Variants in CDH6 observed in about 807,000 individuals in gnomAD.
The protein encoded by CDH6 is cadherin 6, also known as cadherin-6.
In CDH6, 31 loss-of-function variants were observed where a neutral mutation model predicts 78.0. The observed-to-expected ratio is 0.40, with a 90% CI of 0.30 to 0.54. CDH6 has a LOEUF of 0.54. Among genes scored for constraint, CDH6 ranks in the 20% least tolerant of loss-of-function variants. The probability of loss-of-function intolerance (pLI) is 0.56; values close to 1 mark genes in which losing one functional copy is unlikely to be tolerated. For synonymous variants in CDH6, 376 were observed against 368.8 expected, an observed-to-expected ratio of 1.02 and a Z score of -0.23; for missense variants, 724 against 975.9, an observed-to-expected ratio of 0.74 and a Z score of 3.44.
intron 1 of CDH6, among the ~76,000 whole-genome samples, chr5:31,207,950 G>A (rs1740581733): frequency 6.6e-6 from 1 of 152,174 alleles, no homozygotes; most frequent in South Asian, 2.1e-4. Flanking sequence ...GGGCTACAAA[G>A]TCCAGTGGGG....
At chr5:31,256,990 G>T (rs1579856913) in intron 1 of CDH6, among the ~76,000 whole-genome samples, 1 of 152,144 alleles carries the variant, frequency 6.6e-6, no homozygotes, top group East Asian at 1.9e-4. Flanking sequence ...CCACTATCAC[G>T]ACTTTCGACA....
intron 4 of CDH6, among the ~76,000 whole-genome samples, chr5:31,297,920 G>A (rs1737656962): frequency 6.6e-6 from 1 of 152,206 alleles, no homozygotes; most frequent in South Asian, 2.1e-4. Flanking sequence ...ATGTTGAGAT[G>A]TAGTCTGTAG....
chr5:31,328,291 C>G lies in CDH6; in HGVS notation c.*4983C>G, dbSNP rs557333641. 1.0e-5 allele frequency: 2 copies of G among 196,578 alleles called. No homozygotes were observed. The highest frequency in any genetic ancestry group is 1.6e-4 in the East Asian group (2 of 12,644). The allele number at this position is 196,578 out of a possible 1,614,324, so 12.2% of individuals were successfully genotyped here. A position where few individuals can be genotyped will look rare whatever the true frequency, so the allele number is the denominator to read the frequency against. ...CCAGCCTTGTGGAAAAAGCATTCCA[C>G]GCTAATGAGATCTTGGTCTTTCTTG... On this transcript the variant is annotated 3_prime_UTR_variant, in exon 12 of 12. Transcript: ENST00000265071.
At chr5:31,199,530 GTA>G (rs573641782) in intron 1 of CDH6, among the ~76,000 whole-genome samples, 33 of 133,360 alleles carry the variant, frequency 2.5e-4, no homozygotes, top group Non-Finnish European at 3.9e-4. Context: ...ACACATATGT[GTA>G]TATATATGTA....
rs35161585 is a variant in CDH6, at chr5:31,326,709, T to G, written c.*3401T>G. 6.7e-6 allele frequency: 1 copy of G among 149,578 alleles called. No homozygotes were observed. 9.3% of individuals were successfully genotyped at this position (149,578 alleles called of 1,614,324 possible). A position where few individuals can be genotyped will look rare whatever the true frequency, so the allele number is the denominator to read the frequency against. ...TTTTTTTTTTTTTTTTTTTTTTTTTTGAGACAGAATCTCGCTCTGTCGCCC... is the reference window on the plus strand; with the variant it reads ...TTTTTTTTTTTTTTTTTTTTTTTTTGGAGACAGAATCTCGCTCTGTCGCCC... On this transcript the variant is annotated 3_prime_UTR_variant, in exon 12 of 12. Transcript: ENST00000265071.
chr5:31,255,052 G>A (rs781580857), intron 1 of CDH6, among the ~76,000 whole-genome samples: 2 of 152,088 alleles, frequency 1.3e-5, no homozygotes, highest in African/African-American at 2.4e-5. Flanking sequence ...TAATTAAAGG[G>A]CCACATTACC....
chr5:31,266,695 C>T (rs1317482740), intron 1 of CDH6, among the ~76,000 whole-genome samples: 3 of 151,954 alleles, frequency 2.0e-5, no homozygotes, highest in South Asian at 4.1e-4. Flanking sequence ...TATGTATAGG[C>T]TTATCTTTAT....
intron 7 of CDH6, among the ~76,000 whole-genome samples, chr5:31,306,777 C>A (rs1332611824): frequency 1.3e-5 from 2 of 151,976 alleles, no homozygotes; most frequent in Non-Finnish European, 2.9e-5. Flanking sequence ...CAGAAATAGA[C>A]AAACAGTAAA....
At chr5:31,254,961 T>C (rs928816518) in intron 1 of CDH6, among the ~76,000 whole-genome samples, 4 of 152,212 alleles carry the variant, frequency 2.6e-5, no homozygotes, top group Non-Finnish European at 4.4e-5. Flanking sequence ...AAATTAGAAC[T>C]AAAAACTCAA....
intron 5 of CDH6, 35 bp from the exon 6 acceptor site, chr5:31,302,076 C>A: frequency 6.9e-7 from 1 of 1,455,172 alleles, no homozygotes; most frequent in Non-Finnish European, 9.5e-7. Flanking sequence ...TGTGGTTAGT[C>A]TATGTTTGAC....
chr5:31,270,146 T>A (rs567020451), intron 2 of CDH6, among the ~76,000 whole-genome samples: 53 of 152,320 alleles, frequency 3.5e-4, no homozygotes, highest in Middle Eastern at 3.4e-3. Flanking sequence ...CTTTAATTTA[T>A]CTGGGATAAA....
chr5:31,319,216 GAC>G (rs1411862029), intron 11 of CDH6, among the ~76,000 whole-genome samples: 1 of 152,116 alleles, frequency 6.6e-6, no homozygotes, highest in Non-Finnish European at 1.5e-5. Context: ...ACTCTCATCT[GAC>G]AGTGGTGATT....
chr5:31,222,251 C>A (rs971188698), intron 1 of CDH6, among the ~76,000 whole-genome samples: 2 of 152,102 alleles, frequency 1.3e-5, no homozygotes, highest in African/African-American at 2.4e-5. Flanking sequence ...CTCTGACAAT[C>A]AAATGAACAT....
rs1738604972 is a variant in CDH6, at chr5:31,325,446, G to A, written c.*2138G>A. 8.6e-6 allele frequency: 2 copies of A among 231,268 alleles called. No homozygotes were observed. The highest frequency in any genetic ancestry group is 1.7e-5 in the Non-Finnish European group (2 of 116,988). 14.3% of individuals were successfully genotyped at this position (231,268 alleles called of 1,614,324 possible). The stretch of plus-strand genomic sequence containing the variant: ...TAAGTGTTGAAAAAAGCTTAGTAAA[G>A]TTAGAAGCTACTTACTCATAGCAAT... On this transcript the variant is annotated 3_prime_UTR_variant, in exon 12 of 12. Coordinates refer to ENST00000265071, the MANE Select transcript of CDH6 (RefSeq NM_004932.4).
At position 31,294,408 on chromosome 5, in the gene CDH6, C is replaced by CAT; in HGVS notation, c.523+152_523+153insAT. 1 of 645,240 alleles carries CAT rather than the reference C, an allele frequency of 1.5e-6. No homozygotes were observed. The allele number at this position is 645,240 out of a possible 1,614,324, so 40.0% of individuals were successfully genotyped here. A position where few individuals can be genotyped will look rare whatever the true frequency, so the allele number is the denominator to read the frequency against. On this transcript the variant is annotated intron_variant, in intron 3 of 11. Coordinates refer to ENST00000265071, the MANE Select transcript of CDH6 (RefSeq NM_004932.4). This position sits in a 1 kb window ranked among gnomAD's most constrained non-coding sequence, Gnocchi z 4.1. ...TCCTTTCTGTAAGTGCATATGTTTC[C>CAT]TAATATTACTCTAGTCTCATTTTGT...
In CDH6 at chr5:31,265,769, G is replaced by GTTTTTTTTTT. The variant is rs35184792; in HGVS notation, c.-128-1563_-128-1554dup. 7.7e-5 allele frequency among the ~76,000 whole-genome samples: 6 copies of GTTTTTTTTTT among 78,406 alleles called. 1 individual carries two copies. The highest frequency in any genetic ancestry group is 9.0e-5 in the Non-Finnish European group (4 of 44,532). 51.4% of individuals were successfully genotyped at this position (78,406 alleles called of 152,430 possible). On this transcript the variant is annotated intron_variant, in intron 1 of 11. Coordinates refer to ENST00000265071, the MANE Select transcript of CDH6 (RefSeq NM_004932.4). ...TGTTGTTAGTATTATTTAAGACAAT[G>GTTTTTTTTTT]TTTTTTTTTTTTTTTTTTTTTTTGA...
At chr5:31,297,783 G>A (rs1276287198) in intron 4 of CDH6, among the ~76,000 whole-genome samples, 1 of 152,124 alleles carries the variant, frequency 6.6e-6, no homozygotes, top group Non-Finnish European at 1.5e-5. Flanking sequence ...GAAATTAGAT[G>A]TAGCCATGTG....
chr5:31,246,727 T>C (rs1215219690), intron 1 of CDH6, among the ~76,000 whole-genome samples: 3 of 151,532 alleles, frequency 2.0e-5, no homozygotes, highest in Non-Finnish European at 4.4e-5. Context: ...TTGAAGAGTT[T>C]TTTGTGTTTT....
intron 1 of CDH6, among the ~76,000 whole-genome samples, chr5:31,219,107 A>T (rs377336378): frequency 6.6e-6 from 1 of 152,206 alleles, no homozygotes; most frequent in African/African-American, 2.4e-5. Flanking sequence ...TTGAAGGCCG[A>T]ATAGAACAAA....
Sources: gnomAD v4.1 joint callset for allele counts (sites outside exome capture counted in the v4.1 genomes callset) on GRCh38, gnomAD v4.1.1 for gene constraint, Gnocchi (gnomAD v3.1) non-coding constraint, MANE v1.5 for transcripts, NCBI Gene and HGNC (gene_info 2026-07-23, HGNC 2026-07-21) for gene names.